Variants in GPR183 observed in about 807,000 individuals in gnomAD.
GPR183 encodes EBV-induced G-protein coupled receptor 2.
GPR183 carries 9 observed loss-of-function variants against 19.7 expected under a neutral mutation model. The ratio of observed to expected loss-of-function variants is 0.46; its 90% confidence interval spans 0.28 to 0.80. The LOEUF is 0.80. GPR183 is among the 30% of genes least tolerant of loss of function. The probability of loss-of-function intolerance (pLI) is 0.13; values close to 1 mark genes in which losing one functional copy is unlikely to be tolerated. For missense variants in GPR183, 368 were observed against 446.7 expected, an observed-to-expected ratio of 0.82 and a Z score of 1.59; for synonymous variants, 160 against 155.1, an observed-to-expected ratio of 1.03 and a Z score of -0.24.
intron 1 of GPR183, among the ~76,000 whole-genome samples, chr13:99,304,568 T>G (rs2044303959): frequency 1.3e-5 from 2 of 152,262 alleles, no homozygotes; most frequent in African/African-American, 4.8e-5. Flanking sequence ...TTCTTAATCC[T>G]TAATGAAAGG....
In GPR183 at chr13:99,294,551, T is replaced by A. The variant is rs1352203320; in HGVS notation, c.*509A>T. 1 of 152,990 alleles carries A rather than the reference T, an allele frequency of 6.5e-6. No homozygotes were observed. Among genetic ancestry groups the A allele is most frequent in the Non-Finnish European group, 1.5e-5 (1 of 68,620 alleles). The allele number at this position is 152,990 out of a possible 1,614,324, so 9.5% of individuals were successfully genotyped here. A position where few individuals can be genotyped will look rare whatever the true frequency, so the allele number is the denominator to read the frequency against. Reference sequence around the variant, plus strand: ...ACAGACTCATAACTTTGCAGCATCCTGCTCTTTATTCCAAAAGAGTTCCTT... The same window carrying A: ...ACAGACTCATAACTTTGCAGCATCCAGCTCTTTATTCCAAAAGAGTTCCTT... On this transcript the variant is annotated 3_prime_UTR_variant, in exon 2 of 2. Coordinates refer to ENST00000376414, the MANE Select transcript of GPR183 (RefSeq NM_004951.5).
rs370676779 is a variant in GPR183, at chr13:99,297,247, G to A, written c.-18-1084C>T. Among the ~76,000 whole-genome samples, 17 of 152,244 alleles carry A rather than the reference G, an allele frequency of 1.1e-4. 1 individual carries two copies. Among genetic ancestry groups the A allele is most frequent in the African/African-American group, 3.9e-4 (16 of 41,554 alleles). On this transcript the variant is annotated intron_variant, in intron 1 of 1. Coordinates refer to ENST00000376414, the MANE Select transcript of GPR183 (RefSeq NM_004951.5). The stretch of plus-strand genomic sequence containing the variant: ...CTTTGATTAAAGCAGGAAGAACAGA[G>A]CAATAAATCCTGTGTGATTATTTTT...
Position 99,295,747 on chromosome 13 carries a change from C to T in GPR183, c.399G>A (p.Val133=). Reference sequence around the variant, plus strand: ...TCTTGTTGTAGCGTAGAGGGTGCACCACAGCAATGAAGCGGTCAATACTCA... The same window carrying T: ...TCTTGTTGTAGCGTAGAGGGTGCACTACAGCAATGAAGCGGTCAATACTCA... The part of the protein sequence containing the change: ...TCLSIDRFIA[V]VHPLRYNKIK... Residue 133 remains valine (V), a synonymous_variant, in exon 2 of 2, where the codon GTG becomes GTA. Coordinates refer to ENST00000376414, the MANE Select transcript of GPR183 (RefSeq NM_004951.5). This position sits in a 1 kb window ranked among gnomAD's most constrained non-coding sequence, Gnocchi z 4.1. The T allele has an allele frequency of 6.2e-7, 1 of 1,614,082 alleles. No homozygotes were observed. The highest frequency in any genetic ancestry group is 8.5e-7 in the Non-Finnish European group (1 of 1,180,016).
In GPR183 at chr13:99,295,787, T is replaced by A; in HGVS notation, c.359A>T (p.Asn120Ile). 6.2e-7 allele frequency: 1 copy of A among 1,613,702 alleles called. No homozygotes were observed. Among genetic ancestry groups the A allele is most frequent in the South Asian group, 1.1e-5 (1 of 91,064 alleles). Residue 120 changes from asparagine to isoleucine, a missense_variant, in exon 2 of 2, where the codon AAC becomes ATC. Transcript: ENST00000376414. This position sits in a 1 kb window ranked among gnomAD's most constrained non-coding sequence, Gnocchi z 4.1. The part of the protein sequence containing the change: ...VFYINTYAGV[N>I]FMTCLSIDRF... ...GTCAATACTCAGGCAGGTCATAAAG[T>A]TCACACCTGCATATGTGTTGATGTA...
intron 1 of GPR183, among the ~76,000 whole-genome samples, chr13:99,305,250 C>T (rs2044315327): frequency 6.6e-6 from 1 of 151,926 alleles, no homozygotes; most frequent in Admixed American, 6.6e-5. Flanking sequence ...CAAAACACCA[C>T]AGCCATCTGT....
chr13:99,295,133 G>A lies in GPR183; in HGVS notation c.1013C>T (p.Ala338Val), dbSNP rs1466524306. 1 of 1,614,076 alleles carries A rather than the reference G, an allele frequency of 6.2e-7. No homozygotes were observed. The highest frequency in any genetic ancestry group is 8.5e-7 in the Non-Finnish European group (1 of 1,179,988). The change falls in exon 2 of 2, where the codon GCC (alanine) becomes GTC (valine). Residue 338 changes from alanine (A) to valine (V), a missense_variant. Transcript: ENST00000376414. This position sits in a 1 kb window ranked among gnomAD's most constrained non-coding sequence, Gnocchi z 4.1. ...CATTTCACGTGAATTTTCTTCAGGGGCTGACTTCACAGCACTAGAAATCGA... is the reference window on the plus strand; with the variant it reads ...CATTTCACGTGAATTTTCTTCAGGGACTGACTTCACAGCACTAGAAATCGA... ...SVSISSAVKS[A>V]PEENSREMTE...
intron 1 of GPR183, among the ~76,000 whole-genome samples, chr13:99,305,863 G>A (rs1337137083): frequency 6.6e-6 from 1 of 152,086 alleles, no homozygotes; most frequent in East Asian, 1.9e-4. Flanking sequence ...AGTTAGATGT[G>A]TGATCATCCA....
intron 1 of GPR183, among the ~76,000 whole-genome samples, chr13:99,305,748 G>A (rs561998832): frequency 6.6e-6 from 1 of 152,264 alleles, no homozygotes; most frequent in South Asian, 2.1e-4. Flanking sequence ...TGAACATTTT[G>A]TGGAGTAGCA....
At position 99,295,762 on chromosome 13, in the gene GPR183, G is replaced by A; in HGVS notation, c.384C>T (p.Asp128=). 3 of 1,614,076 alleles carry A rather than the reference G, an allele frequency of 1.9e-6. No individual in the cohort carries two copies. The highest frequency in any genetic ancestry group is 2.2e-5 in the South Asian group (2 of 91,076). Residue 128 remains aspartate (D), a synonymous_variant, in exon 2 of 2, where the codon GAC becomes GAT. Coordinates refer to ENST00000376414, the MANE Select transcript of GPR183 (RefSeq NM_004951.5). The surrounding 1 kb of genome is among the most constrained non-coding windows in gnomAD (Gnocchi z 4.1). The stretch of plus-strand genomic sequence containing the variant: ...GAGGGTGCACCACAGCAATGAAGCG[G>A]TCAATACTCAGGCAGGTCATAAAGT... ...GVNFMTCLSI[D]RFIAVVHPLR... is the part of the protein sequence containing the mutation.
chr13:99,303,248 A>G (rs2044282403), intron 1 of GPR183, among the ~76,000 whole-genome samples: 1 of 152,242 alleles, frequency 6.6e-6, no homozygotes, highest in Non-Finnish European at 1.5e-5. Context: ...TTAGCAGTCT[A>G]CTGTTTCCTC....
At chr13:99,300,186 A>ATCATTGAGCTCT (rs1297244098) in intron 1 of GPR183, among the ~76,000 whole-genome samples, 1 of 152,228 alleles carries the variant, frequency 6.6e-6, no homozygotes, top group Admixed American at 6.5e-5. Flanking sequence ...GTGGCCACAC[A>ATCATTGAGCTCT]TCATTGAGCT....
intron 1 of GPR183, among the ~76,000 whole-genome samples, chr13:99,306,380 G>T (rs912968553): frequency 6.6e-6 from 1 of 152,076 alleles, no homozygotes. Flanking sequence ...AGCAGCTGAA[G>T]CCAGATATTA....
chr13:99,306,297 T>G (rs2044333779), intron 1 of GPR183, among the ~76,000 whole-genome samples: 1 of 152,032 alleles, frequency 6.6e-6, no homozygotes, highest in Non-Finnish European at 1.5e-5. Flanking sequence ...TGGGAGACAG[T>G]TTTTTAGCAC....
At chr13:99,307,151 A>G (rs2044348519) in intron 1 of GPR183, among the ~76,000 whole-genome samples, 189 bp downstream of exon 1, 5 of 152,186 alleles carry the variant, frequency 3.3e-5, no homozygotes, top group Non-Finnish European at 5.9e-5. Flanking sequence ...AGTCAACTTT[A>G]TAAGAACTAA....
Position 99,294,687 on chromosome 13 carries a change from T to G in GPR183, c.*373A>C, listed in dbSNP as rs2044141409. The stretch of plus-strand genomic sequence containing the variant: ...TTTAAGAAATATGTTATTTAAAAAG[T>G]ATGTTACAGTATTAACATCTGGCAA... On this transcript the variant is annotated 3_prime_UTR_variant, in exon 2 of 2. Transcript: ENST00000376414. 1 of 157,550 alleles carries G rather than the reference T, an allele frequency of 6.3e-6. No homozygotes were observed. The highest frequency in any genetic ancestry group is 2.4e-5 in the African/African-American group (1 of 41,590). The allele number at this position is 157,550 out of a possible 1,614,324, so 9.8% of individuals were successfully genotyped here.
chr13:99,295,979 A>G lies in GPR183; in HGVS notation c.167T>C (p.Ile56Thr), dbSNP rs1027040158. 1 of 1,614,212 alleles carries G rather than the reference A, an allele frequency of 6.2e-7. No homozygotes were observed. The highest frequency in any genetic ancestry group is 8.5e-7 in the Non-Finnish European group (1 of 1,180,028). The change falls in exon 2 of 2, where the codon ATT becomes ACT. Residue 56 changes from isoleucine (I) to threonine (T), a missense_variant. Transcript: ENST00000376414. This position sits in a 1 kb window ranked among gnomAD's most constrained non-coding sequence, Gnocchi z 4.1. ...LVGNLLALVV[I>T]VQNRKKINST... ...GTTGATTTTTTTCCTGTTTTGAACA[A>G]TGACGACCAAGGCTAGTAAGTTTCC... is the stretch of plus-strand genomic sequence containing the variant.
chr13:99,302,623 G>A (rs1407238990), intron 1 of GPR183, among the ~76,000 whole-genome samples: 5 of 152,110 alleles, frequency 3.3e-5, no homozygotes, highest in African/African-American at 7.2e-5. Flanking sequence ...CTTTTTCATT[G>A]ACTAAACAGC....
chr13:99,300,032 G>A (rs908134110), intron 1 of GPR183, among the ~76,000 whole-genome samples: 1 of 152,180 alleles, frequency 6.6e-6, no homozygotes, highest in Non-Finnish European at 1.5e-5. Context: ...TTTCAAAGTG[G>A]TCTAGGCTCT....
intron 1 of GPR183, 135 bp from the exon 2 acceptor site, chr13:99,296,298 T>G: frequency 1.8e-6 from 1 of 563,152 alleles, no homozygotes; most frequent in Non-Finnish European, 2.9e-6. Context: ...TTTTAAAATT[T>G]CATGACATGC....
Sources: allele counts gnomAD v4.1 joint callset (sites outside exome capture counted in the v4.1 genomes callset), GRCh38; gene constraint gnomAD v4.1.1; non-coding constraint Gnocchi (gnomAD v3.1); transcripts MANE v1.5; gene names NCBI Gene and HGNC (gene_info 2026-07-23, HGNC 2026-07-21).